LINGO2: variants seen among roughly 807,000 people sequenced by gnomAD.
LINGO2 encodes the protein leucine rich repeat and Ig domain containing 2.
LINGO2 carries 14 observed loss-of-function variants against 30.6 expected under a neutral mutation model. The observed-to-expected ratio is 0.46, with a 90% confidence interval of 0.30 to 0.72. LINGO2 has a LOEUF of 0.72. Ranked by LOEUF, LINGO2 falls within the 30% of genes least tolerant of loss-of-function variation. The pLI is 0.07. For synonymous variants in LINGO2, 317 were observed against 288.5 expected, an observed-to-expected ratio of 1.10 and a Z score of -1.00; for missense variants, 729 against 751.7, an observed-to-expected ratio of 0.97 and a Z score of 0.35.
At chr9:29,021,975 A>T in the LINGO2 span, among the ~76,000 whole-genome samples, 1 of 152,132 alleles carries the variant, frequency 6.6e-6, no homozygotes, top group Non-Finnish European at 1.5e-5. Context: ...TTAAAATAAC[A>T]TTTCTTATGG....
At chr9:28,370,645 A>C (rs981529466) in intron 3 of LINGO2, among the ~76,000 whole-genome samples, 2 of 152,230 alleles carry the variant, frequency 1.3e-5, no homozygotes, top group African/African-American at 4.8e-5. Flanking sequence ...GCTTAAAAAT[A>C]GAGGACATAA....
chr9:28,754,859 C>T, the LINGO2 span, among the ~76,000 whole-genome samples: 3 of 151,866 alleles, frequency 2.0e-5, no homozygotes, highest in Non-Finnish European at 4.4e-5. Flanking sequence ...TCTTGATCTC[C>T]TGATCCCATG....
At chr9:28,776,245 G>C in the LINGO2 span, among the ~76,000 whole-genome samples, 1 of 151,926 alleles carries the variant, frequency 6.6e-6, no homozygotes, top group Admixed American at 6.6e-5. Flanking sequence ...ATGAGAAACA[G>C]TAGCCAAAAG....
intron 1 of LINGO2, among the ~76,000 whole-genome samples, chr9:28,560,890 G>C (rs943953196): frequency 6.6e-6 from 1 of 151,918 alleles, no homozygotes; most frequent in Admixed American, 6.6e-5. Flanking sequence ...GCTCAGGCTG[G>C]TCTCGAACTC....
At chr9:28,686,156 A>T in the LINGO2 span, among the ~76,000 whole-genome samples, 1 of 152,074 alleles carries the variant, frequency 6.6e-6, no homozygotes, top group African/African-American at 2.4e-5. Context: ...ATTGGATATC[A>T]CACATAAATA....
chr9:28,480,362 A>C (rs1293156836), intron 1 of LINGO2, among the ~76,000 whole-genome samples: 1 of 152,032 alleles, frequency 6.6e-6, no homozygotes, highest in Admixed American at 6.6e-5. Flanking sequence ...AAAGCATCTT[A>C]ATTCTGATTA....
chr9:28,647,764 A>T (rs1827903297), intron 1 of LINGO2, among the ~76,000 whole-genome samples: 1 of 151,968 alleles, frequency 6.6e-6, no homozygotes, highest in African/African-American at 2.4e-5. Context: ...AATAAACTGA[A>T]CCTTCCAAAG....
In LINGO2 at chr9:28,327,025, G is replaced by A. The variant is rs1411408476; in HGVS notation, c.-245-31659C>T. Among the ~76,000 whole-genome samples the A allele has an allele frequency of 3.3e-5, 5 of 152,128 alleles. No individual in the cohort carries two copies. The East Asian group carries it at 9.6e-4, about 29-fold the overall frequency. On this transcript the variant is annotated intron_variant, in intron 3 of 5. Transcript: ENST00000379992. ...ATCTTCAATGTGGTGGCATTAAGAG[G>A]TGGCCATTTGGGAAGTGATTAGGTC...
intron 4 of LINGO2, among the ~76,000 whole-genome samples, chr9:28,182,900 G>A (rs148116290): frequency 2.7e-4 from 41 of 152,264 alleles, no homozygotes; most frequent in East Asian, 5.8e-4. Context: ...ACAGTGTGGC[G>A]ATTCCTCAAG....
the LINGO2 span, among the ~76,000 whole-genome samples, chr9:29,037,795 C>A: frequency 3.3e-5 from 5 of 151,870 alleles, no homozygotes; most frequent in Admixed American, 1.3e-4. Context: ...ACATGTAAAA[C>A]AGAGATTTTA....
chr9:28,522,601 T>A (rs1820867044), intron 1 of LINGO2, among the ~76,000 whole-genome samples: 1 of 152,172 alleles, frequency 6.6e-6, no homozygotes, highest in Non-Finnish European at 1.5e-5. Flanking sequence ...ATACAACTTA[T>A]ACAAAAGGAA....
chr9:28,403,747 G>C (rs1822374562), intron 2 of LINGO2, among the ~76,000 whole-genome samples: 1 of 150,792 alleles, frequency 6.6e-6, no homozygotes, highest in African/African-American at 2.4e-5. Context: ...AAGAAGCAGA[G>C]TTTACATAAT....
chr9:29,066,523 G>C, the LINGO2 span, among the ~76,000 whole-genome samples: 6 of 151,892 alleles, frequency 4.0e-5, no homozygotes, highest in African/African-American at 1.4e-4. Flanking sequence ...GCACCCTAGA[G>C]ATAACAGTTA....
intron 1 of LINGO2, among the ~76,000 whole-genome samples, chr9:28,607,536 C>T (rs1587951293): frequency 6.6e-6 from 1 of 152,000 alleles, no homozygotes; most frequent in East Asian, 1.9e-4. Context: ...CCAAAGTATG[C>T]CATAGAACTT....
the LINGO2 span, among the ~76,000 whole-genome samples, chr9:28,952,258 A>T: frequency 1.3e-5 from 2 of 152,152 alleles, no homozygotes; most frequent in African/African-American, 4.8e-5. Context: ...ATATCTATCT[A>T]TCTAAATATT....
intron 2 of LINGO2, among the ~76,000 whole-genome samples, chr9:28,433,949 C>CTCTCTCTCTCTCTCTATATA (rs1225323260): frequency 2.3e-5 from 2 of 88,478 alleles, no homozygotes; most frequent in African/African-American, 9.0e-5. Context: ...CTCTCTCTCT[C>CTCTCTCTCTCTCTCTATATA]TATATATATA....
At chr9:28,464,004 C>T (rs962512814) in intron 2 of LINGO2, among the ~76,000 whole-genome samples, 1 of 152,072 alleles carries the variant, frequency 6.6e-6, no homozygotes, top group African/African-American at 2.4e-5. Flanking sequence ...TATAGAGAAT[C>T]AAAATATTGC....
intron 3 of LINGO2, among the ~76,000 whole-genome samples, chr9:28,318,679 A>T (rs1376218332): frequency 6.6e-6 from 1 of 152,174 alleles, no homozygotes; most frequent in Non-Finnish European, 1.5e-5. Context: ...TCCGCCTGGC[A>T]TTACTGGTCA....
chr9:28,435,568 A>G (rs1823890372), intron 2 of LINGO2, among the ~76,000 whole-genome samples: 1 of 152,216 alleles, frequency 6.6e-6, no homozygotes. Context: ...AAGGACTGTG[A>G]ATTTAACATA....
Sources: gnomAD v4.1 joint callset for allele counts (sites outside exome capture counted in the v4.1 genomes callset) on GRCh38, gnomAD v4.1.1 for gene constraint, MANE v1.5 for transcripts, NCBI Gene and HGNC (gene_info 2026-07-23, HGNC 2026-07-21) for gene names.